RSU1: variants seen among roughly 807,000 people sequenced by gnomAD.
RSU1 encodes rsu-1.
Under a neutral mutation model 31.1 loss-of-function variants are expected in RSU1, and 26 were observed. That is an observed-to-expected ratio of 0.84 (90% CI 0.61 to 1.16). The LOEUF is 1.16. Ranked by LOEUF, RSU1 falls within the 50% of genes most tolerant of loss-of-function variation. The probability of loss-of-function intolerance (pLI) is 0.00; values close to 1 mark genes in which losing one functional copy is unlikely to be tolerated. For missense variants in RSU1, 320 were observed against 339.1 expected (o/e 0.94, Z 0.44); for synonymous variants, 164 against 136.3 (o/e 1.20, Z -1.41).
chr10:16,626,013 C>T (rs974555154), intron 8 of RSU1, among the ~76,000 whole-genome samples: 9 of 151,872 alleles, frequency 5.9e-5, no homozygotes, highest in Non-Finnish European at 8.8e-5. Context: ...ATGGGATGGG[C>T]GCTCAGTGCA....
At chr10:16,775,226 TTC>T (rs45505502) in intron 3 of RSU1, among the ~76,000 whole-genome samples, 30,548 of 151,964 alleles carry the variant, frequency 0.2, 3,282 homozygotes, top group African/African-American at 0.29. Flanking sequence ...ATTAAATCAA[TTC>T]TGTTTGATAG....
intron 3 of RSU1, among the ~76,000 whole-genome samples, chr10:16,777,106 C>G (rs1837549655): frequency 1.3e-5 from 2 of 152,022 alleles, no homozygotes; most frequent in Admixed American, 1.3e-4. Context: ...CAATTCATTT[C>G]CTGTTGTACA....
chr10:16,808,234 T>C (rs559282247), intron 2 of RSU1, among the ~76,000 whole-genome samples: 3 of 151,930 alleles, frequency 2.0e-5, no homozygotes, highest in Non-Finnish European at 4.4e-5. Flanking sequence ...TCCCAACACT[T>C]TGAGTGGCGA....
At chr10:16,618,710 C>T (rs1370506068) in intron 8 of RSU1, among the ~76,000 whole-genome samples, 2 of 152,126 alleles carry the variant, frequency 1.3e-5, no homozygotes, top group Non-Finnish European at 2.9e-5. Context: ...CCATCATTCT[C>T]AGCAAACTAA....
At chr10:16,775,985 A>G (rs1837520685) in intron 3 of RSU1, among the ~76,000 whole-genome samples, 1 of 152,240 alleles carries the variant, frequency 6.6e-6, no homozygotes, top group African/African-American at 2.4e-5. Flanking sequence ...TTTATTTTAC[A>G]TATTCCCCCC....
intron 4 of RSU1, among the ~76,000 whole-genome samples, chr10:16,756,056 A>C (rs1837078483): frequency 6.6e-6 from 1 of 152,204 alleles, no homozygotes; most frequent in Admixed American, 6.5e-5. Context: ...GAAGCTTTGT[A>C]GTTTTCAGGC....
intron 5 of RSU1, among the ~76,000 whole-genome samples, chr10:16,754,297 C>A (rs1190352043): frequency 1.3e-5 from 2 of 152,288 alleles, no homozygotes; most frequent in Admixed American, 1.3e-4. Context: ...TCAAAAGCAT[C>A]TCCAGCAAGA....
At chr10:16,758,349 T>C (rs1444412698) in intron 4 of RSU1, among the ~76,000 whole-genome samples, 3 of 152,036 alleles carry the variant, frequency 2.0e-5, no homozygotes, top group Admixed American at 6.6e-5. Context: ...CTGTCCCCCC[T>C]CCCTCCAGCA....
rs569014828 is a variant in RSU1 at position 16,766,346 on chromosome 10, T to C, written c.161-1836A>G. On this transcript the variant is annotated intron_variant, in intron 3 of 8. Coordinates refer to ENST00000345264, the MANE Select transcript of RSU1 (RefSeq NM_012425.4). ...TGTACAGTGTGGCTGCAAATGTACA[T>C]TCTTTCTTAGGTGCACAGTCCATGG... is the stretch of plus-strand genomic sequence containing the variant. 3.3e-5 allele frequency among the ~76,000 whole-genome samples: 5 copies of C among 152,338 alleles called. No individual in the cohort carries two copies. In the South Asian group the frequency reaches 1.0e-3, roughly 32 times the overall value.
intron 8 of RSU1, among the ~76,000 whole-genome samples, chr10:16,607,447 G>A (rs1361439915): frequency 6.6e-6 from 1 of 152,246 alleles, no homozygotes; most frequent in Non-Finnish European, 1.5e-5. Flanking sequence ...GTGCAGGGCA[G>A]AGAATGGTGA....
At chr10:16,809,194 C>T (rs1315706411) in intron 2 of RSU1, among the ~76,000 whole-genome samples, 2 of 152,312 alleles carry the variant, frequency 1.3e-5, no homozygotes, top group East Asian at 3.9e-4. Flanking sequence ...ATGGAATCTG[C>T]TCAATGGGGA....
intron 8 of RSU1, among the ~76,000 whole-genome samples, chr10:16,611,909 G>T (rs1301769989): frequency 2.6e-5 from 4 of 152,242 alleles, no homozygotes; most frequent in Non-Finnish European, 5.9e-5. Context: ...TGGTAGAAAT[G>T]ACTTTGAAAT....
At chr10:16,599,259 A>C (rs1172395651) in intron 8 of RSU1, among the ~76,000 whole-genome samples, 2 of 152,208 alleles carry the variant, frequency 1.3e-5, no homozygotes, top group Non-Finnish European at 2.9e-5. Context: ...GATTGGCAAA[A>C]AACTTTTGTC....
chr10:16,686,688 G>A (rs904644265), intron 8 of RSU1, among the ~76,000 whole-genome samples: 1 of 152,182 alleles, frequency 6.6e-6, no homozygotes, highest in Non-Finnish European at 1.5e-5. Flanking sequence ...ACAATCAAGT[G>A]AGGGGGATGG....
chr10:16,794,054 C>A (rs60197351), intron 2 of RSU1, among the ~76,000 whole-genome samples: 27,924 of 151,920 alleles, frequency 0.18, 2,646 homozygotes, highest in African/African-American at 0.22. Context: ...TCTTCTCCTG[C>A]CCTCAGACAT....
chr10:16,672,288 C>T (rs573519485), intron 8 of RSU1, among the ~76,000 whole-genome samples: 9 of 151,768 alleles, frequency 5.9e-5, no homozygotes, highest in Non-Finnish European at 1.0e-4. Flanking sequence ...CCAGCCTGGG[C>T]GACAGGGCAA....
intron 7 of RSU1, among the ~76,000 whole-genome samples, chr10:16,713,608 G>A (rs1836067075): frequency 6.6e-6 from 1 of 152,108 alleles, no homozygotes; most frequent in South Asian, 2.1e-4. Flanking sequence ...TGATCTCACT[G>A]AATTATTTGC....
At chr10:16,803,757 G>A (rs1333141863) in intron 2 of RSU1, among the ~76,000 whole-genome samples, 1 of 152,158 alleles carries the variant, frequency 6.6e-6, no homozygotes, top group Non-Finnish European at 1.5e-5. Context: ...AAACGGTGCT[G>A]AAACAGATGG....
intron 2 of RSU1, among the ~76,000 whole-genome samples, chr10:16,799,512 C>CAAA (rs1838105667): frequency 6.7e-6 from 1 of 150,092 alleles, no homozygotes; most frequent in Non-Finnish European, 1.5e-5. Context: ...TTAAAAACAA[C>CAAA]AACAACAACA....
Sources: gnomAD v4.1 joint callset for allele counts (sites outside exome capture counted in the v4.1 genomes callset) on GRCh38, gnomAD v4.1.1 for gene constraint, MANE v1.5 for transcripts, NCBI Gene and HGNC (gene_info 2026-07-23, HGNC 2026-07-21) for gene names.